Variants in PSD2 observed in about 807,000 individuals in gnomAD.
PSD2 encodes the protein pleckstrin and Sec7 domain containing 2.
In PSD2, 38 loss-of-function variants were observed where a neutral mutation model predicts 69.8. The ratio of observed to expected loss-of-function variants is 0.54; its 90% CI spans 0.42 to 0.71. The LOEUF (loss-of-function observed/expected upper bound fraction) is 0.71. Among genes scored for constraint, PSD2 ranks in the 30% least tolerant of loss-of-function variants. The pLI, the probability that PSD2 is intolerant of heterozygous loss-of-function variation, is 0.00. For missense variants in PSD2, 943 were observed against 1,014.5 expected, an observed-to-expected ratio of 0.93 and a Z score of 0.96; for synonymous variants, 412 against 423.0, an observed-to-expected ratio of 0.97 and a Z score of 0.32.
At chr5:139,824,038 C>T (rs966311162) in intron 7 of PSD2, among the ~76,000 whole-genome samples, 4 of 152,234 alleles carry the variant, frequency 2.6e-5, no homozygotes, top group African/African-American at 9.6e-5. Flanking sequence ...ATATGAATGT[C>T]ACTCACCACC....
intron 4 of PSD2, 96 bp from the exon 5 acceptor site, chr5:139,817,385 G>A: frequency 1.9e-6 from 2 of 1,044,116 alleles, no homozygotes; most frequent in South Asian, 2.6e-5. Flanking sequence ...TAGGGGGTGG[G>A]TGGGTCCGGG....
At chr5:139,752,194 A>G in the PSD2 span, among the ~76,000 whole-genome samples, 1 of 152,064 alleles carries the variant, frequency 6.6e-6, no homozygotes, top group African/African-American at 2.4e-5. Context: ...CCTACTGGTC[A>G]CGTCTCTCTC....
At chr5:139,745,423 G>A in the PSD2 span, among the ~76,000 whole-genome samples, 2 of 152,260 alleles carry the variant, frequency 1.3e-5, no homozygotes, top group African/African-American at 4.8e-5. Context: ...TCCAAGTCCT[G>A]AGTCATCTAT....
chr5:139,767,922 C>A, the PSD2 span, among the ~76,000 whole-genome samples: 1 of 152,216 alleles, frequency 6.6e-6, no homozygotes, highest in South Asian at 2.1e-4. Flanking sequence ...GGTCTAGTGC[C>A]TGACCCCAGG....
intron 7 of PSD2, among the ~76,000 whole-genome samples, chr5:139,824,593 C>G (rs1230864262): frequency 1.3e-5 from 2 of 152,038 alleles, no homozygotes; most frequent in Non-Finnish European, 2.9e-5. Flanking sequence ...AGATGTCTCT[C>G]TCTTTACGTG....
chr5:139,821,453 C>T (rs1200930558), intron 5 of PSD2, among the ~76,000 whole-genome samples: 1 of 152,036 alleles, frequency 6.6e-6, no homozygotes, highest in Non-Finnish European at 1.5e-5. Flanking sequence ...GTTGAGGGGC[C>T]AGAGTTGGGC....
chr5:139,762,554 T>C, the PSD2 span, among the ~76,000 whole-genome samples: 3 of 152,216 alleles, frequency 2.0e-5, no homozygotes, highest in Admixed American at 2.0e-4. Flanking sequence ...GTATTGCCCA[T>C]GCTGAGCGCT....
chr5:139,767,377 C>G, the PSD2 span, among the ~76,000 whole-genome samples: 1 of 152,056 alleles, frequency 6.6e-6, no homozygotes, highest in Non-Finnish European at 1.5e-5. Flanking sequence ...TGCAATGTCA[C>G]GATCTCAGAT....
the PSD2 span, among the ~76,000 whole-genome samples, chr5:139,769,017 G>T: frequency 6.6e-6 from 1 of 152,140 alleles, no homozygotes; most frequent in Admixed American, 6.5e-5. Context: ...TGCCCTCATG[G>T]AATTCTGTCA....
intron 9 of PSD2, 120 bp from the exon 10 acceptor site, chr5:139,836,691 C>T (rs1760726759): frequency 1.2e-6 from 1 of 814,832 alleles, no homozygotes. Context: ...ATCTCTGCCT[C>T]CTGGGGCTGC....
intron 3 of PSD2, 36 bp downstream of exon 3, chr5:139,813,794 A>C (rs772898746): frequency 6.5e-6 from 10 of 1,542,384 alleles, no homozygotes; most frequent in Non-Finnish European, 7.9e-6. Flanking sequence ...ACCACCGAGC[A>C]GATGGGGAAA....
the PSD2 span, among the ~76,000 whole-genome samples, chr5:139,779,250 C>A: frequency 6.6e-6 from 1 of 152,164 alleles, no homozygotes; most frequent in Admixed American, 6.5e-5. Flanking sequence ...ATACACTGCA[C>A]CCAATTTGTG....
chr5:139,766,884 T>TTTCC, the PSD2 span, among the ~76,000 whole-genome samples: 4 of 149,216 alleles, frequency 2.7e-5, no homozygotes, highest in African/African-American at 7.4e-5. Flanking sequence ...TCTTTCTTTC[T>TTTCC]TTCCTTCTTT....
the PSD2 span, among the ~76,000 whole-genome samples, chr5:139,789,929 A>T: frequency 1.3e-5 from 2 of 151,834 alleles, no homozygotes; most frequent in Non-Finnish European, 2.9e-5. Context: ...GCGCTGAAGG[A>T]AGTGAGGGGT....
the PSD2 span, among the ~76,000 whole-genome samples, chr5:139,747,641 C>T: frequency 6.6e-6 from 1 of 152,324 alleles, no homozygotes; most frequent in Non-Finnish European, 1.5e-5. The surrounding 1 kb of genome is among the most constrained non-coding windows in gnomAD (Gnocchi z 6.7). Flanking sequence ...GCCCGCAGCC[C>T]GGCCGGACGT....
the PSD2 span, among the ~76,000 whole-genome samples, chr5:139,774,714 A>T: frequency 6.6e-6 from 1 of 151,428 alleles, no homozygotes; most frequent in East Asian, 2.0e-4. Flanking sequence ...CTGGTCTGGA[A>T]CTCCTGACCT....
the PSD2 span, chr5:139,772,630 A>G: frequency 7.9e-5 from 12 of 152,368 alleles, no homozygotes; most frequent in East Asian, 2.1e-3. Flanking sequence ...TTCTGTCTGC[A>G]GCTCAGGTCT....
At chr5:139,832,219 A>G (rs1449975899) in intron 7 of PSD2, among the ~76,000 whole-genome samples, 2 of 152,206 alleles carry the variant, frequency 1.3e-5, no homozygotes, top group South Asian at 4.1e-4. Context: ...TTTGTGTGGA[A>G]CTCAAAGACA....
At chr5:139,761,649 C>G in the PSD2 span, among the ~76,000 whole-genome samples, 1 of 152,222 alleles carries the variant, frequency 6.6e-6, no homozygotes. Context: ...ATCAGCACCC[C>G]CTAACCTCTG....
Sources: allele counts gnomAD v4.1 joint callset (sites outside exome capture counted in the v4.1 genomes callset), GRCh38; gene constraint gnomAD v4.1.1; non-coding constraint Gnocchi (gnomAD v3.1); transcripts MANE v1.5; gene names NCBI Gene and HGNC (gene_info 2026-07-23, HGNC 2026-07-21).